The following HMGXB4 variants were observed in gnomAD, a reference collection of about 807,000 sequenced individuals.
The protein encoded by HMGXB4 is HMG domain-containing protein 4.
Under a neutral mutation model 63.9 loss-of-function variants are expected in HMGXB4, and 27 were observed. The observed-to-expected ratio is 0.42, with a 90% CI of 0.31 to 0.58. HMGXB4 has a LOEUF of 0.58. Among genes scored for constraint, HMGXB4 ranks in the 20% least tolerant of loss-of-function variants. HMGXB4 has a pLI of 0.13. For synonymous variants in HMGXB4, 264 were observed against 265.3 expected, an observed-to-expected ratio of 0.99 and a Z score of 0.05; for missense variants, 624 against 700.7, an observed-to-expected ratio of 0.89 and a Z score of 1.24.
chr22:35,267,655 G>T (rs147669550), intron 5 of HMGXB4, among the ~76,000 whole-genome samples: 4 of 150,410 alleles, frequency 2.7e-5, no homozygotes, highest in Non-Finnish European at 4.4e-5. Flanking sequence ...CCAGTATCCC[G>T]CCAGTCAACC....
chr22:35,254,467 T>C (rs1922308752), upstream of HMGXB4, among the ~76,000 whole-genome samples: 1 of 152,248 alleles, frequency 6.6e-6, no homozygotes, highest in African/African-American at 2.4e-5. Flanking sequence ...CTGGCTGAGC[T>C]AGCTCCGGTG....
At chr22:35,275,152 T>C (rs1434375867) in intron 5 of HMGXB4, among the ~76,000 whole-genome samples, 7 of 132,966 alleles carry the variant, frequency 5.3e-5, no homozygotes, top group African/African-American at 1.4e-4. Context: ...GGATTTTCGC[T>C]CTTGTCGCCC....
At chr22:35,288,875 C>T (rs1347137728) in intron 9 of HMGXB4, among the ~76,000 whole-genome samples, 1 of 152,164 alleles carries the variant, frequency 6.6e-6, no homozygotes. Context: ...GGCGTGGTGG[C>T]TTATGCCTGT....
At chr22:35,248,633 G>C in the HMGXB4 span, among the ~76,000 whole-genome samples, 1 of 151,970 alleles carries the variant, frequency 6.6e-6, no homozygotes, top group African/African-American at 2.4e-5. Context: ...TCGAACTCCT[G>C]AGCTCAGGCA....
chr22:35,247,894 C>A, the HMGXB4 span, among the ~76,000 whole-genome samples: 2 of 152,108 alleles, frequency 1.3e-5, no homozygotes, highest in Non-Finnish European at 2.9e-5. Flanking sequence ...CATTTAACAA[C>A]AGGGATACAG....
At chr22:35,261,023 C>T (rs1439189978) in intron 1 of HMGXB4, among the ~76,000 whole-genome samples, 1 of 152,090 alleles carries the variant, frequency 6.6e-6, no homozygotes, top group East Asian at 1.9e-4. Context: ...AATAAATGAT[C>T]AATTAGATTA....
At chr22:35,259,273 C>T (rs1034589598) in intron 1 of HMGXB4, among the ~76,000 whole-genome samples, 8 of 152,168 alleles carry the variant, frequency 5.3e-5, no homozygotes, top group African/African-American at 1.9e-4. Flanking sequence ...CTTATGTTGT[C>T]ATATCTTAGC....
chr22:35,292,371 G>C (rs1044897050), intron 9 of HMGXB4, among the ~76,000 whole-genome samples: 8 of 152,134 alleles, frequency 5.3e-5, no homozygotes, highest in Non-Finnish European at 1.2e-4. Context: ...ACTGTGCTGT[G>C]TTGCTTCCCA....
intron 5 of HMGXB4, among the ~76,000 whole-genome samples, chr22:35,274,908 TCCAGGCTCCAAAG>T (rs1923815729): frequency 6.6e-6 from 1 of 151,920 alleles, no homozygotes; most frequent in Non-Finnish European, 1.5e-5. Flanking sequence ...TGGTTACAAG[TCCAGGCTCCAAAG>T]CCAGGCTGCC....
chr22:35,292,221 C>CT (rs922463337), intron 9 of HMGXB4, among the ~76,000 whole-genome samples: 1 of 152,146 alleles, frequency 6.6e-6, no homozygotes, highest in African/African-American at 2.4e-5. Context: ...TATCTATTAT[C>CT]TCAATCCCAT....
chr22:35,245,716 GT>G, the HMGXB4 span, among the ~76,000 whole-genome samples: 2 of 152,156 alleles, frequency 1.3e-5, no homozygotes, highest in Non-Finnish European at 2.9e-5. Flanking sequence ...GCAAAGAGGG[GT>G]TTGCCGCCTC....
intron 7 of HMGXB4, among the ~76,000 whole-genome samples, chr22:35,286,334 TA>T (rs1924574075): frequency 1.3e-5 from 2 of 152,188 alleles, no homozygotes; most frequent in Non-Finnish European, 2.9e-5. Context: ...GAGGAGTAAT[TA>T]AAGTGTTAAA....
At chr22:35,264,015 AGT>A in intron 4 of HMGXB4, 141 bp downstream of exon 4, 1 of 1,554,142 alleles carries the variant, frequency 6.4e-7, no homozygotes, top group Non-Finnish European at 8.7e-7. Flanking sequence ...CCGATAAACC[AGT>A]GTGAAGGAGG....
the HMGXB4 span, among the ~76,000 whole-genome samples, chr22:35,250,539 C>T: frequency 1.3e-5 from 2 of 152,278 alleles, no homozygotes; most frequent in Middle Eastern, 6.8e-3. Context: ...CCCCATGACC[C>T]AAACACCTCC....
chr22:35,289,106 C>G (rs1280847605), intron 9 of HMGXB4, among the ~76,000 whole-genome samples: 1 of 151,252 alleles, frequency 6.6e-6, no homozygotes, highest in Non-Finnish European at 1.5e-5. Context: ...CGCTACTGTA[C>G]TCCAGCCTGG....
upstream of HMGXB4, among the ~76,000 whole-genome samples, chr22:35,255,926 G>C (rs1922379624): frequency 6.6e-6 from 1 of 152,212 alleles, no homozygotes; most frequent in South Asian, 2.1e-4. Context: ...CTGTCTTTTT[G>C]GTGAGTAGGA....
At chr22:35,274,146 G>A (rs1333093401) in intron 5 of HMGXB4, among the ~76,000 whole-genome samples, 1 of 152,182 alleles carries the variant, frequency 6.6e-6, no homozygotes, top group Non-Finnish European at 1.5e-5. Flanking sequence ...AGGCATGGGC[G>A]CGGAGTACTG....
Position 35,263,228 on chromosome 22 carries a change from T to TA in HMGXB4, c.180+4dup. 6.2e-7 allele frequency: 1 copy of TA among 1,606,732 alleles called. No homozygotes were observed. The highest frequency in any genetic ancestry group is 8.5e-7 in the Non-Finnish European group (1 of 1,177,270). Reference sequence around the variant, plus strand: ...AATTCTTCCAAGAAGAAGTTGAAGGTAAGTCCTGAAAATTTAAATTAGGAA... The same window carrying TA: ...AATTCTTCCAAGAAGAAGTTGAAGGTAAAGTCCTGAAAATTTAAATTAGGAA... On this transcript the variant is annotated splice_region_variant and intron_variant, in intron 3 of 10. Transcript: ENST00000216106.
At chr22:35,279,257 T>C (rs537143690) in intron 5 of HMGXB4, among the ~76,000 whole-genome samples, 24 of 146,358 alleles carry the variant, frequency 1.6e-4, no homozygotes, top group Non-Finnish European at 3.3e-4. Flanking sequence ...CAAGCAATTC[T>C]CCTGCCTCAG....
Sources: gnomAD v4.1 joint callset for allele counts (sites outside exome capture counted in the v4.1 genomes callset) on GRCh38, gnomAD v4.1.1 for gene constraint, MANE v1.5 for transcripts, NCBI Gene and HGNC (gene_info 2026-07-23, HGNC 2026-07-21) for gene names.